FRMD8: variants seen among roughly 807,000 people sequenced by gnomAD.
FRMD8 encodes FERM domain-containing protein 8.
FRMD8 carries 37 observed loss-of-function variants against 54.2 expected under a neutral mutation model. That is an observed-to-expected ratio of 0.68 (90% confidence interval 0.53 to 0.90). The LOEUF is 0.90. FRMD8 is among the 40% of genes least tolerant of loss of function. The pLI is 0.00. For synonymous variants in FRMD8, 246 were observed against 286.9 expected (o/e 0.86, Z 1.44); for missense variants, 585 against 653.7 (o/e 0.89, Z 1.15).
chr11:65,377,289 A>G, the FRMD8 span: 1 of 1,406,964 alleles, frequency 7.1e-7, no homozygotes, highest in Non-Finnish European at 9.2e-7. Flanking sequence ...CATCAGGCCC[A>G]AGAGTGAGAG....
intron 9 of FRMD8, among the ~76,000 whole-genome samples, chr11:65,402,299 A>G (rs1484988767): frequency 6.6e-6 from 1 of 151,998 alleles, no homozygotes; most frequent in African/African-American, 2.4e-5. Flanking sequence ...GATTGTGGTA[A>G]GCCGAGATGG....
At chr11:65,395,260 A>AT (rs1210528454) in intron 6 of FRMD8, among the ~76,000 whole-genome samples, 1 of 143,918 alleles carries the variant, frequency 6.9e-6, no homozygotes, top group African/African-American at 2.6e-5. Context: ...AAAAAAAAAA[A>AT]TGCCGGGTGC....
the FRMD8 span, chr11:65,376,923 G>A: frequency 9.3e-6 from 15 of 1,613,328 alleles, no homozygotes; most frequent in Admixed American, 8.3e-5. Flanking sequence ...CAGGCTCCTC[G>A]GAACAGCCCC....
At chr11:65,379,584 C>T in the FRMD8 span, 14 of 1,588,886 alleles carry the variant, frequency 8.8e-6, no homozygotes, top group Middle Eastern at 1.7e-4. Context: ...ACAGTGGCAG[C>T]GGAGTAGGCA....
chr11:65,374,444 CATA>C, the FRMD8 span, among the ~76,000 whole-genome samples: 2 of 145,320 alleles, frequency 1.4e-5, no homozygotes, highest in African/African-American at 2.5e-5. Context: ...GGACAAGTTA[CATA>C]ATGTCTCTGA....
chr11:65,372,548 G>A, the FRMD8 span, among the ~76,000 whole-genome samples: 1 of 152,130 alleles, frequency 6.6e-6, no homozygotes, highest in Non-Finnish European at 1.5e-5. Context: ...GAGGGAGAAT[G>A]GGAGCCCATT....
At chr11:65,393,717 A>C (rs1258213519) in intron 4 of FRMD8, 43 bp downstream of exon 4, 2 of 1,498,718 alleles carry the variant, frequency 1.3e-6, no homozygotes, top group South Asian at 2.3e-5. Context: ...GGACCACCTG[A>C]GTCTGCATCT....
intron 10 of FRMD8, among the ~76,000 whole-genome samples, chr11:65,405,495 C>T (rs935670724): frequency 7.2e-5 from 11 of 152,094 alleles, no homozygotes; most frequent in Admixed American, 2.0e-4. Context: ...GTATGGCAGG[C>T]GCCTGTAATC....
chr11:65,375,003 C>A, the FRMD8 span, among the ~76,000 whole-genome samples: 2 of 24,282 alleles, frequency 8.2e-5, no homozygotes, highest in Non-Finnish European at 2.8e-4. Flanking sequence ...AAAAAGAAAA[C>A]AAGCACCATT....
At chr11:65,379,254 C>G in the FRMD8 span, 3 of 1,191,694 alleles carry the variant, frequency 2.5e-6, no homozygotes, top group Non-Finnish European at 3.6e-6. Context: ...GCACAGGCCT[C>G]TTGTTCCCCT....
chr11:65,394,543 CCTCAGCCCCGCAGGCTCA>C, intron 6 of FRMD8, 118 bp downstream of exon 6: 1 of 1,263,072 alleles, frequency 7.9e-7, no homozygotes, highest in Non-Finnish European at 1.1e-6. Flanking sequence ...AGTCAGGAGG[CCTCAGCCCCGCAGGCTCA>C]CTCTGGCCCT....
At position 65,399,790 on chromosome 11, in the gene FRMD8, G is replaced by A; in HGVS notation, c.858G>A (p.Arg286=). 1 of 1,614,082 alleles carries A rather than the reference G, an allele frequency of 6.2e-7. No homozygotes were observed. The highest frequency in any genetic ancestry group is 8.5e-7 in the Non-Finnish European group (1 of 1,179,986). Residue 286 remains arginine (R), a synonymous_variant, in exon 8 of 11, where the codon CGG becomes CGA. Transcript: ENST00000317568. ...AGCCGGCCCAAGGCTTTTTGCACCG[G>A]GGTGGGCGCAAGCCAGTTTCTGTGG... ...VDKPAQGFLH[R]GGRKPVSVAI...
the FRMD8 span, among the ~76,000 whole-genome samples, chr11:65,370,090 C>T: frequency 6.6e-6 from 1 of 151,416 alleles, no homozygotes; most frequent in Non-Finnish European, 1.5e-5. Context: ...GGCAAGGTGG[C>T]ACACACTTGT....
intron 10 of FRMD8, among the ~76,000 whole-genome samples, chr11:65,408,165 C>A (rs1856248971): frequency 6.6e-6 from 1 of 151,354 alleles, no homozygotes. Flanking sequence ...ACCTCCACCT[C>A]CCGGGTTCAA....
At chr11:65,393,866 G>C in intron 4 of FRMD8, 175 bp from the exon 5 acceptor site, 1 of 791,554 alleles carries the variant, frequency 1.3e-6, no homozygotes, top group Admixed American at 2.4e-5. Context: ...ATTGGGGGAT[G>C]GGCTGGGAGC....
chr11:65,389,233 C>A (rs1855791244), intron 2 of FRMD8, 128 bp from the exon 3 acceptor site: 7 of 835,158 alleles, frequency 8.4e-6, no homozygotes, highest in South Asian at 4.7e-5. Flanking sequence ...AGGAGCGTAG[C>A]CCTGGTCACC....
the FRMD8 span, chr11:65,380,250 AG>A: frequency 2.5e-6 from 4 of 1,608,282 alleles, no homozygotes; most frequent in Admixed American, 5.0e-5. Context: ...CCAAGAGGAA[AG>A]AGGGGTTCAG....
chr11:65,396,530 G>A (rs916674442), intron 6 of FRMD8, among the ~76,000 whole-genome samples: 1 of 152,106 alleles, frequency 6.6e-6, no homozygotes, highest in Non-Finnish European at 1.5e-5. Context: ...GGAAGCAGGC[G>A]CAGGACAGGA....
At chr11:65,409,089 G>T (rs1856272683) in intron 10 of FRMD8, among the ~76,000 whole-genome samples, 1 of 151,400 alleles carries the variant, frequency 6.6e-6, no homozygotes, top group Admixed American at 6.6e-5. Context: ...AATGAGATTG[G>T]AAATTTTTTT....
Sources: allele counts gnomAD v4.1 joint callset (sites outside exome capture counted in the v4.1 genomes callset), GRCh38; gene constraint gnomAD v4.1.1; transcripts MANE v1.5; gene names NCBI Gene and HGNC (gene_info 2026-07-23, HGNC 2026-07-21).